The following ENOX1 variants were observed in gnomAD, a reference collection of about 807,000 sequenced individuals.
ENOX1 encodes the protein ecto-NOX disulfide-thiol exchanger 1.
ENOX1 carries 42 observed loss-of-function variants against 82.5 expected under a neutral mutation model. The observed-to-expected ratio is 0.51, with a 90% CI of 0.40 to 0.66. The LOEUF (loss-of-function observed/expected upper bound fraction) is 0.66, where lower values mean the gene tolerates loss of function less well. Ranked by LOEUF, ENOX1 falls within the 30% of genes least tolerant of loss-of-function variation. The probability of loss-of-function intolerance (pLI) is 0.00; values close to 1 mark genes in which losing one functional copy is unlikely to be tolerated. For missense variants in ENOX1, 608 were observed against 811.6 expected, an observed-to-expected ratio of 0.75 and a Z score of 3.05; for synonymous variants, 271 against 282.2, an observed-to-expected ratio of 0.96 and a Z score of 0.40.
intron 14 of ENOX1, among the ~76,000 whole-genome samples, chr13:43,252,431 G>A (rs2043511792): frequency 6.6e-6 from 1 of 152,202 alleles, no homozygotes; most frequent in African/African-American, 2.4e-5. Flanking sequence ...GGGTGACAGG[G>A]AAAGACTTCC....
intron 14 of ENOX1, among the ~76,000 whole-genome samples, chr13:43,239,062 A>G (rs1400151074): frequency 1.3e-5 from 2 of 152,342 alleles, no homozygotes; most frequent in African/African-American, 4.8e-5. Context: ...CAATGTCTAC[A>G]AGGAGCCAGA....
intron 1 of ENOX1, among the ~76,000 whole-genome samples, chr13:43,691,753 G>A (rs1277239060): frequency 6.6e-6 from 1 of 151,076 alleles, no homozygotes; most frequent in East Asian, 2.0e-4. Flanking sequence ...CAGGCTGGAG[G>A]GCAGTGGCGC....
At chr13:43,628,641 C>T (rs1177173399) in intron 2 of ENOX1, among the ~76,000 whole-genome samples, 1 of 152,182 alleles carries the variant, frequency 6.6e-6, no homozygotes, top group Non-Finnish European at 1.5e-5. Context: ...AATTTGAGGT[C>T]CTCCTGGTTC....
At chr13:43,659,395 T>C (rs902542216) in intron 2 of ENOX1, among the ~76,000 whole-genome samples, 1 of 151,302 alleles carries the variant, frequency 6.6e-6, no homozygotes, top group Non-Finnish European at 1.5e-5. Flanking sequence ...GAGGCTGAGG[T>C]GGGAGAATCG....
At chr13:43,526,175 G>A (rs1046526526) in intron 2 of ENOX1, among the ~76,000 whole-genome samples, 9 of 152,258 alleles carry the variant, frequency 5.9e-5, no homozygotes, top group African/African-American at 2.2e-4. Flanking sequence ...ACAAATGGAA[G>A]TACAACTGTT....
intron 1 of ENOX1, among the ~76,000 whole-genome samples, chr13:43,758,092 C>G (rs1950752906): frequency 6.6e-6 from 1 of 151,874 alleles, no homozygotes; most frequent in Non-Finnish European, 1.5e-5. Flanking sequence ...AAAAATTACC[C>G]AGGTGTGGTG....
intron 1 of ENOX1, among the ~76,000 whole-genome samples, chr13:43,749,325 T>A (rs1366100524): frequency 6.6e-6 from 1 of 152,250 alleles, no homozygotes; most frequent in African/African-American, 2.4e-5. Context: ...CCATTTCCTT[T>A]GGCTTTGTAA....
intron 1 of ENOX1, among the ~76,000 whole-genome samples, chr13:43,775,006 C>A (rs1951834686): frequency 6.6e-6 from 1 of 151,984 alleles, no homozygotes. Context: ...TGCCATCATG[C>A]CCAGCTAATT....
chr13:43,246,894 A>T lies in ENOX1; in HGVS notation c.1612-10156T>A, dbSNP rs138402640. The stretch of plus-strand genomic sequence containing the variant: ...AAGCCATTCGGAAGGAATGGAAAGA[A>T]GCCATTCTGAAGGAAGAATGGAAAG... On this transcript the variant is annotated intron_variant, in intron 14 of 16. Coordinates refer to ENST00000690772, the MANE Select transcript of ENOX1 (RefSeq NM_001347969.2). 9.5e-3 allele frequency among the ~76,000 whole-genome samples: 1,452 copies of T among 152,346 alleles called. 27 individuals are homozygous for T. Among genetic ancestry groups the T allele is most frequent in the African/African-American group, 0.033 (1,373 of 41,582 alleles).
chr13:43,666,763 C>G (rs960949319), intron 2 of ENOX1, among the ~76,000 whole-genome samples: 1 of 152,156 alleles, frequency 6.6e-6, no homozygotes, highest in African/African-American at 2.4e-5. Context: ...ACAAAATTAC[C>G]ATGGTCATCA....
At chr13:43,445,504 G>C (rs768563850) in intron 3 of ENOX1, among the ~76,000 whole-genome samples, 3 of 152,040 alleles carry the variant, frequency 2.0e-5, no homozygotes, top group South Asian at 2.1e-4. Flanking sequence ...TTAAAACAGG[G>C]AACATGGTCC....
chr13:43,680,783 T>A (rs1411064512), intron 1 of ENOX1, among the ~76,000 whole-genome samples: 1 of 152,098 alleles, frequency 6.6e-6, no homozygotes, highest in Non-Finnish European at 1.5e-5. Context: ...CCATGAACTA[T>A]TTTTTTATAA....
intron 15 of ENOX1, among the ~76,000 whole-genome samples, chr13:43,230,838 C>T (rs1276665879): frequency 1.3e-5 from 2 of 152,134 alleles, no homozygotes; most frequent in South Asian, 2.1e-4. Flanking sequence ...ATTGGTTACC[C>T]GATGAGAATA....
rs547468182 is a variant in ENOX1 at position 43,256,276 on chromosome 13, A to G, written c.1611+9122T>C. On this transcript the variant is annotated intron_variant, in intron 14 of 16. Transcript: ENST00000690772. ...TTTTTGAGGAAAACCTCAAAAGCAC[A>G]GGCAGCAGAAGCAAAAATAGACAAA... is the stretch of plus-strand genomic sequence containing the variant. Among the ~76,000 whole-genome samples the G allele has an allele frequency of 2.0e-5, 3 of 152,324 alleles. No homozygotes were observed. In the East Asian group the frequency reaches 5.8e-4, roughly 29 times the overall value.
At chr13:43,427,839 A>G (rs1207079610) in intron 3 of ENOX1, among the ~76,000 whole-genome samples, 1 of 152,226 alleles carries the variant, frequency 6.6e-6, no homozygotes, top group Non-Finnish European at 1.5e-5. Flanking sequence ...AAGACCACTT[A>G]TTTATGTATT....
At chr13:43,742,247 TC>T (rs1949777258) in intron 1 of ENOX1, among the ~76,000 whole-genome samples, 1 of 152,034 alleles carries the variant, frequency 6.6e-6, no homozygotes, top group Non-Finnish European at 1.5e-5. Flanking sequence ...AGTCCCATGA[TC>T]GACATGCTGG....
chr13:43,717,665 G>T (rs1218649551), intron 1 of ENOX1, among the ~76,000 whole-genome samples: 1 of 152,088 alleles, frequency 6.6e-6, no homozygotes, highest in Non-Finnish European at 1.5e-5. Context: ...CTAATACCCA[G>T]AATCTACAAG....
chr13:43,592,977 G>A (rs9567225), intron 2 of ENOX1, among the ~76,000 whole-genome samples: 3 of 152,204 alleles, frequency 2.0e-5, no homozygotes, highest in African/African-American at 7.2e-5. Context: ...CATCCTTGAA[G>A]TTCTCAAAAA....
rs186570630 is a variant in ENOX1 at position 43,749,110 on chromosome 13, T to C, written c.-285+37542A>G. On this transcript the variant is annotated intron_variant, in intron 1 of 16. Transcript: ENST00000690772. ...GATACTTTGTAATTACTAGCTATTATTACCAACAGTAATTATGTAATAGTT... is the reference window on the plus strand; with the variant it reads ...GATACTTTGTAATTACTAGCTATTACTACCAACAGTAATTATGTAATAGTT... Among the ~76,000 whole-genome samples the C allele has an allele frequency of 2.7e-4, 41 of 152,332 alleles. 1 individual carries two copies. The East Asian group carries it at 7.7e-3, about 29-fold the overall frequency.
Sources: allele counts gnomAD v4.1 joint callset (sites outside exome capture counted in the v4.1 genomes callset), GRCh38; gene constraint gnomAD v4.1.1; transcripts MANE v1.5; gene names NCBI Gene and HGNC (gene_info 2026-07-23, HGNC 2026-07-21).